Variants in LYPD6B observed in about 807,000 individuals in gnomAD.
LYPD6B encodes LY6/PLAUR domain containing 6B.
LYPD6B carries 17 observed loss-of-function variants against 22.8 expected under a neutral mutation model. The observed-to-expected ratio is 0.75, with a 90% CI of 0.51 to 1.12. LYPD6B has a LOEUF of 1.12. Among genes scored for constraint, LYPD6B ranks in the 50% most tolerant of loss-of-function variants. The probability of loss-of-function intolerance (pLI) is 0.00; values close to 1 mark genes in which losing one functional copy is unlikely to be tolerated. For synonymous variants in LYPD6B, 106 were observed against 91.6 expected (o/e 1.16, Z -0.90); for missense variants, 221 against 258.3 (o/e 0.86, Z 0.99).
At chr2:149,115,392 C>T (rs1012535951) in intron 1 of LYPD6B, among the ~76,000 whole-genome samples, 2 of 152,150 alleles carry the variant, frequency 1.3e-5, no homozygotes, top group African/African-American at 4.8e-5. Context: ...GATGTCAGAT[C>T]CTTTGAAAAA....
intron 1 of LYPD6B, among the ~76,000 whole-genome samples, chr2:149,123,544 A>G (rs879858582): frequency 6.6e-5 from 10 of 152,158 alleles, no homozygotes; most frequent in Non-Finnish European, 8.8e-5. Flanking sequence ...TTCATGAGAA[A>G]AGGAAAGAAA....
Position 149,042,286 on chromosome 2 carries a change from A to G in LYPD6B, c.-67+3485A>G, listed in dbSNP as rs767604948. 7.9e-5 allele frequency among the ~76,000 whole-genome samples: 12 copies of G among 152,312 alleles called. No homozygotes were observed. In the South Asian group the frequency reaches 8.3e-4, roughly 11 times the overall value. On this transcript the variant is annotated intron_variant, in intron 1 of 6. Coordinates refer to ENST00000409642, the MANE Select transcript of LYPD6B (RefSeq NM_177964.5). The stretch of plus-strand genomic sequence containing the variant: ...AATCATGTATCCTATTTTCATCTGA[A>G]ATGTGAAGTGAGTGCTGCACTTTGT...
intron 1 of LYPD6B, among the ~76,000 whole-genome samples, chr2:149,105,072 C>T (rs1686408803): frequency 6.6e-6 from 1 of 152,166 alleles, no homozygotes; most frequent in African/African-American, 2.4e-5. Flanking sequence ...TGTGAATATA[C>T]ATCCAATTGC....
intron 3 of LYPD6B, among the ~76,000 whole-genome samples, chr2:149,165,488 G>T (rs563997093): frequency 1.8e-4 from 28 of 152,308 alleles, no homozygotes; most frequent in Admixed American, 1.6e-3. Context: ...AGTCTGGAAA[G>T]TGGAGGTCTT....
intron 4 of LYPD6B, among the ~76,000 whole-genome samples, chr2:149,207,281 A>C (rs1034711749): frequency 6.6e-6 from 1 of 152,112 alleles, no homozygotes; most frequent in African/African-American, 2.4e-5. Context: ...GCTACCATAC[A>C]TATCCTCCCC....
At chr2:149,098,292 C>G (rs1260691291) in intron 1 of LYPD6B, among the ~76,000 whole-genome samples, 1 of 152,090 alleles carries the variant, frequency 6.6e-6, no homozygotes. Context: ...TCTGCTTTCT[C>G]CACGTGAGTT....
chr2:149,160,469 G>T, intron 2 of LYPD6B: 1 of 510,116 alleles, frequency 2.0e-6, no homozygotes, highest in Non-Finnish European at 3.8e-6. Context: ...TTTTGTGGAG[G>T]GATGTGATGA....
Position 149,174,788 on chromosome 2 carries a change from T to TG in LYPD6B, c.77+13960dup, listed in dbSNP as rs1217410228. 1.1e-4 allele frequency among the ~76,000 whole-genome samples: 15 copies of TG among 140,960 alleles called. No individual in the cohort carries two copies. The South Asian group carries it at 1.3e-3, about 12-fold the overall frequency. The allele number at this position is 140,960 out of a possible 152,430, so 92.5% of individuals were successfully genotyped here. The stretch of plus-strand genomic sequence containing the variant: ...GTGCTGCTGGATTCCTGTCAGAGGT[T>TG]GGGGGGGTGGGAGGAGGGAGAGAAT... On this transcript the variant is annotated intron_variant, in intron 3 of 6. Transcript: ENST00000409642.
intron 3 of LYPD6B, among the ~76,000 whole-genome samples, chr2:149,176,870 G>GCA (rs1223763576): frequency 5.3e-5 from 8 of 152,164 alleles, no homozygotes; most frequent in Non-Finnish European, 5.9e-5. Context: ...TAAAATTAGA[G>GCA]TAGCAGCTAT....
At chr2:149,150,349 T>G (rs404542) in intron 2 of LYPD6B, among the ~76,000 whole-genome samples, 1 of 151,712 alleles carries the variant, frequency 6.6e-6, no homozygotes, top group Non-Finnish European at 1.5e-5. Context: ...GCACACCCTC[T>G]GATTTCTTCA....
intron 3 of LYPD6B, among the ~76,000 whole-genome samples, chr2:149,163,402 T>C (rs75902543): frequency 0.034 from 5,191 of 152,210 alleles, 121 homozygotes; most frequent in Non-Finnish European, 0.049. Context: ...CATGCTGACA[T>C]ACCCACAAAA....
In LYPD6B at chr2:149,105,942, T is replaced by A. The variant is rs1277563738; in HGVS notation, c.-66-24941T>A. On this transcript the variant is annotated intron_variant, in intron 1 of 6. Coordinates refer to ENST00000409642, the MANE Select transcript of LYPD6B (RefSeq NM_177964.5). Reference sequence around the variant, plus strand: ...TGTAGGTTTTTCATAGATACTGTACTCTATCAGGTCCAAAAATCCCATTCT... The same window carrying A: ...TGTAGGTTTTTCATAGATACTGTACACTATCAGGTCCAAAAATCCCATTCT... Among the ~76,000 whole-genome samples, 3 of 152,300 alleles carry A rather than the reference T, an allele frequency of 2.0e-5. No homozygotes were observed. The East Asian group carries it at 5.8e-4, about 29-fold the overall frequency.
intron 1 of LYPD6B, among the ~76,000 whole-genome samples, chr2:149,066,501 T>C (rs968140580): frequency 1.3e-5 from 2 of 152,062 alleles, no homozygotes; most frequent in Non-Finnish European, 2.9e-5. Flanking sequence ...ACAAAGGACA[T>C]GAACTCATCA....
chr2:149,101,741 C>T (rs777888882), intron 1 of LYPD6B, among the ~76,000 whole-genome samples: 10 of 152,206 alleles, frequency 6.6e-5, no homozygotes, highest in Admixed American at 1.3e-4. Context: ...CTGATGCTTA[C>T]AACCAGGTCC....
chr2:149,110,477 T>G (rs1285195425), intron 1 of LYPD6B, among the ~76,000 whole-genome samples: 2 of 152,214 alleles, frequency 1.3e-5, no homozygotes, highest in East Asian at 3.9e-4. Flanking sequence ...GTTAAATTTC[T>G]TGGAAATCTT....
At chr2:149,189,270 T>C (rs1353517903) in intron 3 of LYPD6B, among the ~76,000 whole-genome samples, 1 of 147,866 alleles carries the variant, frequency 6.8e-6, no homozygotes, top group Non-Finnish European at 1.5e-5. Flanking sequence ...TAAAATAAAT[T>C]GTCTATTCAA....
At chr2:149,038,857 C>A (rs1574853779) in intron 1 of LYPD6B, 56 bp downstream of exon 1, 1 of 150,298 alleles carries the variant, frequency 6.7e-6, no homozygotes, top group African/African-American at 2.4e-5. Flanking sequence ...ACGGCTCACC[C>A]CGCGCCGGAG....
chr2:149,160,619 G>T, intron 2 of LYPD6B, 145 bp from the exon 3 acceptor site: 2 of 692,104 alleles, frequency 2.9e-6, no homozygotes, highest in South Asian at 3.1e-5. Flanking sequence ...ATTTGATATT[G>T]TTCAATTGAC....
At chr2:149,094,670 A>T (rs1220221156) in intron 1 of LYPD6B, among the ~76,000 whole-genome samples, 1 of 152,244 alleles carries the variant, frequency 6.6e-6, no homozygotes, top group South Asian at 2.1e-4. Context: ...CTTTAAAAAT[A>T]TTTAAAACTA....
Sources: gnomAD v4.1 joint callset for allele counts (sites outside exome capture counted in the v4.1 genomes callset) on GRCh38, gnomAD v4.1.1 for gene constraint, MANE v1.5 for transcripts, NCBI Gene and HGNC (gene_info 2026-07-23, HGNC 2026-07-21) for gene names.